Variants in CDC42SE2 observed in about 807,000 individuals in gnomAD.
The protein encoded by CDC42SE2 is CDC42 small effector 2, also known as CDC42 small effector protein 2.
In CDC42SE2, 3 loss-of-function variants were observed where a neutral mutation model predicts 11.5. The ratio of observed to expected loss-of-function variants is 0.26; its 90% CI spans 0.12 to 0.67. CDC42SE2 has a LOEUF of 0.67. Ranked by LOEUF, CDC42SE2 falls within the 30% of genes least tolerant of loss-of-function variation. The pLI is 0.80. For missense variants in CDC42SE2, 82 were observed against 106.8 expected (o/e 0.77, Z 1.02); for synonymous variants, 33 against 34.8 (o/e 0.95, Z 0.18).
chr5:131,233,981 C>A, the CDC42SE2 span, among the ~76,000 whole-genome samples: 1 of 152,150 alleles, frequency 6.6e-6, no homozygotes, highest in African/African-American at 2.4e-5. Context: ...AGACCTCCAT[C>A]CCTACCTTTT....
At chr5:131,290,627 G>T (rs544918015) in intron 1 of CDC42SE2, among the ~76,000 whole-genome samples, 2 of 151,716 alleles carry the variant, frequency 1.3e-5, no homozygotes, top group South Asian at 2.1e-4. Context: ...CTACAGGCTG[G>T]CACCAGGCTG....
chr5:131,308,114 T>C (rs1757818274), intron 1 of CDC42SE2, among the ~76,000 whole-genome samples: 4 of 152,322 alleles, frequency 2.6e-5, no homozygotes, highest in South Asian at 2.1e-4. Context: ...CTTGAATTGA[T>C]TTTTGTATAA....
At chr5:131,355,477 CA>C (rs529086111) in intron 2 of CDC42SE2, among the ~76,000 whole-genome samples, 1 of 147,652 alleles carries the variant, frequency 6.8e-6, no homozygotes, top group Non-Finnish European at 1.5e-5. Flanking sequence ...AACTCTGTCT[CA>C]AAAAAAAGAA....
At chr5:131,307,517 C>T (rs1161734713) in intron 1 of CDC42SE2, among the ~76,000 whole-genome samples, 1 of 152,050 alleles carries the variant, frequency 6.6e-6, no homozygotes, top group Non-Finnish European at 1.5e-5. Context: ...AATAATGCCG[C>T]AGTAAACATA....
intron 1 of CDC42SE2, among the ~76,000 whole-genome samples, chr5:131,305,735 T>C (rs904390688): frequency 6.6e-6 from 1 of 152,368 alleles, no homozygotes; most frequent in Admixed American, 6.5e-5. Flanking sequence ...TTTCCTTTGC[T>C]GTGCAGAAGC....
At chr5:131,385,500 T>C in intron 3 of CDC42SE2, 43 bp from the exon 4 acceptor site, 1 of 1,388,268 alleles carries the variant, frequency 7.2e-7, no homozygotes, top group South Asian at 1.2e-5. Flanking sequence ...AATAAGTTGC[T>C]CATAAGATCA....
chr5:131,304,210 C>A (rs115483068), intron 1 of CDC42SE2, among the ~76,000 whole-genome samples: 1 of 152,012 alleles, frequency 6.6e-6, no homozygotes, highest in African/African-American at 2.4e-5. Context: ...TCTTGAACTC[C>A]TGGGCCCAAA....
intron 1 of CDC42SE2, among the ~76,000 whole-genome samples, chr5:131,250,565 T>G (rs1258834061): frequency 6.6e-6 from 1 of 152,086 alleles, no homozygotes; most frequent in Non-Finnish European, 1.5e-5. Flanking sequence ...CCAGGGACTG[T>G]GGAGCCAGGG....
At chr5:131,220,776 A>C in the CDC42SE2 span, among the ~76,000 whole-genome samples, 1 of 152,228 alleles carries the variant, frequency 6.6e-6, no homozygotes, top group East Asian at 1.9e-4. Context: ...AGCACAGTTC[A>C]GTAGAATGTG....
the CDC42SE2 span, among the ~76,000 whole-genome samples, chr5:131,220,350 C>T: frequency 6.6e-6 from 1 of 152,012 alleles, no homozygotes; most frequent in Non-Finnish European, 1.5e-5. Context: ...GGACTACAGG[C>T]GTCTGCCACC....
At chr5:131,224,032 C>G in the CDC42SE2 span, among the ~76,000 whole-genome samples, 2 of 152,166 alleles carry the variant, frequency 1.3e-5, no homozygotes, top group African/African-American at 4.8e-5. Flanking sequence ...AGCATACCCT[C>G]TTGGTTTTCT....
At chr5:131,222,158 A>G in the CDC42SE2 span, among the ~76,000 whole-genome samples, 62 of 152,362 alleles carry the variant, frequency 4.1e-4, no homozygotes, top group African/African-American at 1.5e-3. Context: ...CTACTTTAAT[A>G]TATCTGTGAT....
At chr5:131,251,899 C>A (rs996807877) in intron 1 of CDC42SE2, among the ~76,000 whole-genome samples, 3 of 152,128 alleles carry the variant, frequency 2.0e-5, no homozygotes, top group African/African-American at 7.2e-5. Flanking sequence ...CTGATCCTAG[C>A]TACTTGGGAG....
intron 2 of CDC42SE2, among the ~76,000 whole-genome samples, chr5:131,339,809 CAAAAA>C (rs748107559): frequency 2.4e-5 from 2 of 82,464 alleles, no homozygotes; most frequent in Non-Finnish European, 5.0e-5. Flanking sequence ...GACCCCATCT[CAAAAA>C]AAAAAAAAAG....
At chr5:131,272,682 C>T (rs1359640289) in intron 1 of CDC42SE2, among the ~76,000 whole-genome samples, 1 of 152,100 alleles carries the variant, frequency 6.6e-6, no homozygotes, top group Non-Finnish European at 1.5e-5. Context: ...GAAATATCTC[C>T]CATCTTTAAA....
rs1750654801 is a variant in CDC42SE2 at position 131,391,608 on chromosome 5, G to T, written c.*517G>T. The T allele has an allele frequency of 6.6e-6, 1 of 152,416 alleles. No individual in the cohort carries two copies. The highest frequency in any genetic ancestry group is 1.5e-5 in the Non-Finnish European group (1 of 68,178). The allele number at this position is 152,416 out of a possible 1,614,324, so 9.4% of individuals were successfully genotyped here. ...AATTGCTTGAACCTGGGAGGCAGGGGTTGCAGTCAGCTGAGAATGCGCCAC... is the reference window on the plus strand; with the variant it reads ...AATTGCTTGAACCTGGGAGGCAGGGTTTGCAGTCAGCTGAGAATGCGCCAC... On this transcript the variant is annotated 3_prime_UTR_variant, in exon 5 of 5. Coordinates refer to ENST00000505065, the MANE Select transcript of CDC42SE2 (RefSeq NM_001375635.1).
chr5:131,353,484 AT>A (rs1168670153), intron 2 of CDC42SE2, among the ~76,000 whole-genome samples: 1 of 151,898 alleles, frequency 6.6e-6, no homozygotes, highest in Non-Finnish European at 1.5e-5. Context: ...GTTCTGCTGC[AT>A]TGGCCATGCT....
At chr5:131,249,663 C>A (rs1445035740) in intron 1 of CDC42SE2, among the ~76,000 whole-genome samples, 4 of 152,126 alleles carry the variant, frequency 2.6e-5, no homozygotes, top group African/African-American at 9.7e-5. Context: ...ATCTCCTAGA[C>A]AATATTAAAA....
chr5:131,272,150 A>C (rs945265771), intron 1 of CDC42SE2, among the ~76,000 whole-genome samples: 2 of 151,954 alleles, frequency 1.3e-5, no homozygotes, highest in Non-Finnish European at 2.9e-5. Context: ...AGCTGGAATT[A>C]CAGGCGCCCA....
Sources: allele counts gnomAD v4.1 joint callset (sites outside exome capture counted in the v4.1 genomes callset), GRCh38; gene constraint gnomAD v4.1.1; transcripts MANE v1.5; gene names NCBI Gene and HGNC (gene_info 2026-07-23, HGNC 2026-07-21).